CCDC191: variants seen among roughly 807,000 people sequenced by gnomAD.
The protein encoded by CCDC191 is coiled-coil domain containing 191.
A neutral mutation model predicts 114.0 loss-of-function variants in CCDC191; 99 were observed. The observed-to-expected ratio is 0.87, with a 90% CI of 0.74 to 1.03. The LOEUF (loss-of-function observed/expected upper bound fraction) is 1.03, where lower values mean the gene tolerates loss of function less well. CCDC191 is among the 50% of genes least tolerant of loss of function. The probability of loss-of-function intolerance (pLI) is 0.00; values close to 1 mark genes in which losing one functional copy is unlikely to be tolerated. For synonymous variants in CCDC191, 351 were observed against 376.0 expected (o/e 0.93, Z 0.77); for missense variants, 973 against 1,087.0 (o/e 0.90, Z 1.47).
chr3:113,982,259 T>C (rs1034066354), intron 13 of CCDC191, among the ~76,000 whole-genome samples: 2 of 152,168 alleles, frequency 1.3e-5, no homozygotes, highest in African/African-American at 4.8e-5. Context: ...TGGAAAAATA[T>C]AAAGAAAAAC....
At position 114,004,653 on chromosome 3, in the gene CCDC191, C is replaced by A; in HGVS notation, c.1962G>T (p.Pro654=). ...CAGCCCTGCCTTTTAGTATGGGATG[C>A]GGTGTCATCAATTGCTTTGGTTTCC... ...LRRKPKQLMT[P]HPILKAMEER... Residue 654 remains proline, a synonymous_variant, in exon 11 of 17, where the codon CCG becomes CCT. Transcript: ENST00000295878. The A allele has an allele frequency of 6.2e-7, 1 of 1,611,806 alleles. No homozygotes were observed. The highest frequency in any genetic ancestry group is 1.1e-5 in the South Asian group (1 of 90,990).
chr3:114,047,515 T>C (rs1438226619), intron 2 of CCDC191, among the ~76,000 whole-genome samples: 2 of 151,794 alleles, frequency 1.3e-5, no homozygotes, highest in Non-Finnish European at 2.9e-5. Context: ...AATAAAAAAT[T>C]AGCCGGGTGT....
intron 6 of CCDC191, 21 bp downstream of exon 6, chr3:114,034,904 G>C (rs1432886288): frequency 1.9e-6 from 3 of 1,606,856 alleles, no homozygotes; most frequent in Admixed American, 1.7e-5. Context: ...AAACCCCACA[G>C]TGCTTATCAC....
At chr3:113,980,870 A>C (rs2075125296) in intron 13 of CCDC191, 77 bp from the exon 14 acceptor site, 2 of 1,328,630 alleles carry the variant, frequency 1.5e-6, no homozygotes, top group Non-Finnish European at 2.1e-6. Context: ...TAATGAATTT[A>C]ATTTGAACAT....
intron 4 of CCDC191, among the ~76,000 whole-genome samples, chr3:114,042,481 G>A (rs1055690265): frequency 6.6e-6 from 1 of 151,972 alleles, no homozygotes; most frequent in Non-Finnish European, 1.5e-5. Context: ...GTTAGTTAGG[G>A]ATAACTGTAA....
chr3:114,036,827 A>G, intron 4 of CCDC191, 41 bp from the exon 5 acceptor site: 1 of 1,358,382 alleles, frequency 7.4e-7, no homozygotes, highest in South Asian at 1.6e-5. Context: ...TTTTTTTAAA[A>G]AATTAATTTT....
At chr3:114,052,401 G>A (rs908749573) in intron 2 of CCDC191, among the ~76,000 whole-genome samples, 3 of 152,012 alleles carry the variant, frequency 2.0e-5, no homozygotes, top group Non-Finnish European at 4.4e-5. Context: ...AGCCCTGCAG[G>A]GACTTGGCAC....
chr3:114,031,819 A>G, intron 6 of CCDC191, 40 bp from the exon 7 acceptor site: 1 of 915,562 alleles, frequency 1.1e-6, no homozygotes, highest in Non-Finnish European at 1.7e-6. Context: ...TATTTACAAT[A>G]GATTTAAAAA....
Position 114,035,273 on chromosome 3 carries a change from T to C in CCDC191, c.595-125A>G. ...GAAATATGCTGGCCCAGAACTCCACTGTTTATTGGTAGGAAAGGAGGAATT... is the reference window on the plus strand; with the variant it reads ...GAAATATGCTGGCCCAGAACTCCACCGTTTATTGGTAGGAAAGGAGGAATT... On this transcript the variant is annotated intron_variant, in intron 5 of 16. Coordinates refer to ENST00000295878, the MANE Select transcript of CCDC191 (RefSeq NM_020817.2). 3.4e-5 allele frequency: 22 copies of C among 654,182 alleles called. No individual in the cohort carries two copies. The South Asian group carries it at 4.1e-4, about 12-fold the overall frequency. The allele number at this position is 654,182 out of a possible 1,614,324, so 40.5% of individuals were successfully genotyped here. A position where few individuals can be genotyped will look rare whatever the true frequency, so the allele number is the denominator to read the frequency against.
intron 2 of CCDC191, among the ~76,000 whole-genome samples, chr3:114,048,249 G>A (rs1218071856): frequency 6.6e-6 from 1 of 152,074 alleles, no homozygotes; most frequent in African/African-American, 2.4e-5. Flanking sequence ...TTGGTCCAAA[G>A]CACAACAATT....
rs540332155 is a variant in CCDC191 at position 114,053,001 on chromosome 3, G to A, written c.129+596C>T. On this transcript the variant is annotated intron_variant, in intron 2 of 16. Coordinates refer to ENST00000295878, the MANE Select transcript of CCDC191 (RefSeq NM_020817.2). ...GCACTTTCAAATTAAATGGTACTCA[G>A]ACTCAAAAATACATATCTCAGGCCT... Among the ~76,000 whole-genome samples, 8 of 152,294 alleles carry A rather than the reference G, an allele frequency of 5.3e-5. No homozygotes were observed. In the South Asian group the frequency reaches 1.7e-3, roughly 32 times the overall value.
chr3:114,005,261 C>CA (rs2075931111), intron 10 of CCDC191, among the ~76,000 whole-genome samples: 1 of 152,158 alleles, frequency 6.6e-6, no homozygotes, highest in South Asian at 2.1e-4. Context: ...CTTTAACTGG[C>CA]ATAGTAACAG....
intron 16 of CCDC191, among the ~76,000 whole-genome samples, chr3:113,976,742 A>AGAT (rs1004298393): frequency 6.6e-6 from 1 of 152,144 alleles, no homozygotes; most frequent in Non-Finnish European, 1.5e-5. Context: ...TAAGATAGAT[A>AGAT]GATAGGTTCT....
intron 13 of CCDC191, among the ~76,000 whole-genome samples, chr3:113,983,420 G>C (rs2075241664): frequency 6.6e-6 from 1 of 152,014 alleles, no homozygotes; most frequent in South Asian, 2.1e-4. Flanking sequence ...ATATACCCAA[G>C]CACATATCTG....
At chr3:113,978,072 T>C in intron 16 of CCDC191, 114 bp downstream of exon 16, 1 of 1,190,482 alleles carries the variant, frequency 8.4e-7, no homozygotes, top group Non-Finnish European at 1.2e-6. Flanking sequence ...TGACTGGTGT[T>C]TCCCCGCTCT....
At chr3:114,042,588 C>A in intron 4 of CCDC191, 115 bp downstream of exon 4, 1 of 792,344 alleles carries the variant, frequency 1.3e-6, no homozygotes, top group Non-Finnish European at 1.8e-6. Context: ...ATAATAAAAA[C>A]TAAAAAAAAC....
intron 3 of CCDC191, among the ~76,000 whole-genome samples, chr3:114,043,985 G>A (rs1047800578): frequency 2.0e-5 from 3 of 152,150 alleles, no homozygotes; most frequent in East Asian, 3.9e-4. Context: ...GGCTTGAGGA[G>A]GAAGATTAGG....
chr3:114,003,250 G>A, intron 11 of CCDC191: 1 of 985,382 alleles, frequency 1.0e-6, no homozygotes, highest in Non-Finnish European at 1.2e-6. Flanking sequence ...TAGGAAGAGG[G>A]GCATGGATGG....
chr3:114,026,677 G>A (rs1185328779), intron 7 of CCDC191, among the ~76,000 whole-genome samples: 3 of 152,192 alleles, frequency 2.0e-5, no homozygotes, highest in African/African-American at 7.2e-5. Context: ...TCGTCATTCT[G>A]TCAGAGAAAA....
Sources: gnomAD v4.1 joint callset for allele counts (sites outside exome capture counted in the v4.1 genomes callset) on GRCh38, gnomAD v4.1.1 for gene constraint, MANE v1.5 for transcripts, NCBI Gene and HGNC (gene_info 2026-07-23, HGNC 2026-07-21) for gene names.